EPHA5: variants seen among roughly 807,000 people sequenced by gnomAD.
The protein encoded by EPHA5 is ephrin type-A receptor 5.
A neutral mutation model predicts 105.0 loss-of-function variants in EPHA5; 60 were observed. The observed-to-expected ratio is 0.57, with a 90% CI of 0.46 to 0.71. The LOEUF (loss-of-function observed/expected upper bound fraction) is 0.71, where lower values mean the gene tolerates loss of function less well. Among genes scored for constraint, EPHA5 ranks in the 30% least tolerant of loss-of-function variants. The pLI is 0.00. For missense variants in EPHA5, 1,218 were observed against 1,274.7 expected (o/e 0.96, Z 0.68); for synonymous variants, 513 against 449.1 (o/e 1.14, Z -1.80).
At position 65,462,456 on chromosome 4, in the gene EPHA5, G is replaced by T. The variant is rs115308952; in HGVS notation, c.1402+27921C>A. On this transcript the variant is annotated intron_variant, in intron 5 of 16. Coordinates refer to ENST00000613740, the MANE Select transcript of EPHA5 (RefSeq NM_001281766.3). ...TCACAATTCTAAACATTGATGGGGG[G>T]GTCTTCTCCTGGTCTTGACTAGATT... 3.1e-3 allele frequency among the ~76,000 whole-genome samples: 477 copies of T among 152,130 alleles called. 6 individuals carry two copies. Among genetic ancestry groups the T allele is most frequent in the African/African-American group, 0.011 (450 of 41,516 alleles).
intron 3 of EPHA5, among the ~76,000 whole-genome samples, chr4:65,584,354 G>A (rs1055233502): frequency 1.1e-4 from 17 of 151,876 alleles, no homozygotes; most frequent in African/African-American, 3.9e-4. Flanking sequence ...AATTCAAATA[G>A]TAATTTAAAT....
At chr4:65,469,757 A>AT (rs1729104977) in intron 5 of EPHA5, among the ~76,000 whole-genome samples, 1 of 152,314 alleles carries the variant, frequency 6.6e-6, no homozygotes, top group South Asian at 2.1e-4. Flanking sequence ...GTTGTAATAC[A>AT]TTTTTTGCTA....
At position 65,509,282 on chromosome 4, in the gene EPHA5, C is replaced by T. The variant is rs577977075; in HGVS notation, c.911-13739G>A. On this transcript the variant is annotated intron_variant, in intron 3 of 16. Transcript: ENST00000613740. ...TAAAAGTTTCAACCAGGTAAACTCTCAAATATATTTCATAGTATTATATAT... is the reference window on the plus strand; with the variant it reads ...TAAAAGTTTCAACCAGGTAAACTCTTAAATATATTTCATAGTATTATATAT... Among the ~76,000 whole-genome samples, 9 of 152,234 alleles carry T rather than the reference C, an allele frequency of 5.9e-5. No homozygotes were observed. The South Asian group carries it at 1.9e-3, about 32-fold the overall frequency.
At chr4:65,418,555 G>T (rs1243176602) in intron 6 of EPHA5, among the ~76,000 whole-genome samples, 5 of 152,070 alleles carry the variant, frequency 3.3e-5, no homozygotes, top group African/African-American at 7.2e-5. Flanking sequence ...TTTGAAGTAT[G>T]TGTCATCATT....
chr4:65,485,355 A>G (rs1473121969), intron 5 of EPHA5, among the ~76,000 whole-genome samples: 1 of 151,474 alleles, frequency 6.6e-6, no homozygotes, highest in Non-Finnish European at 1.5e-5. Flanking sequence ...ACATTTGCTT[A>G]TTTTTCTTGA....
intron 1 of EPHA5, among the ~76,000 whole-genome samples, chr4:65,646,690 A>G (rs917792745): frequency 6.6e-6 from 1 of 152,148 alleles, no homozygotes; most frequent in African/African-American, 2.4e-5. Flanking sequence ...TGATCTGTTC[A>G]TCTATCAATG....
chr4:65,585,395 T>C (rs951460575), intron 3 of EPHA5, among the ~76,000 whole-genome samples: 1 of 151,678 alleles, frequency 6.6e-6, no homozygotes, highest in African/African-American at 2.4e-5. Context: ...GTTTTAAATC[T>C]TACCTAGGAG....
chr4:65,491,344 G>T (rs1187428480), intron 4 of EPHA5, among the ~76,000 whole-genome samples: 1 of 151,910 alleles, frequency 6.6e-6, no homozygotes. Context: ...CTTTGATATT[G>T]TTTTTATATT....
chr4:65,617,368 T>C (rs1425801617), intron 2 of EPHA5, among the ~76,000 whole-genome samples: 1 of 152,066 alleles, frequency 6.6e-6, no homozygotes, highest in African/African-American at 2.4e-5. Context: ...CCATCACCAG[T>C]ATTATGTCTA....
At chr4:65,616,454 C>CACACAGAG (rs1454115764) in intron 2 of EPHA5, among the ~76,000 whole-genome samples, 2,797 of 147,862 alleles carry the variant, frequency 0.019, 101 homozygotes, top group African/African-American at 0.066. Flanking sequence ...CACACACACA[C>CACACAGAG]AGAGAGAGAG....
chr4:65,335,425 T>C (rs979951203), intron 15 of EPHA5, among the ~76,000 whole-genome samples: 11 of 152,060 alleles, frequency 7.2e-5, no homozygotes, highest in Admixed American at 7.2e-4. Context: ...AACTACATGC[T>C]AAATAACCAA....
At chr4:65,345,390 G>T (rs1435894372) in intron 14 of EPHA5, among the ~76,000 whole-genome samples, 1 of 152,222 alleles carries the variant, frequency 6.6e-6, no homozygotes, top group Non-Finnish European at 1.5e-5. Flanking sequence ...GAAATCATTC[G>T]TGGGAAAGCT....
At chr4:65,508,635 T>C (rs1475598753) in intron 3 of EPHA5, among the ~76,000 whole-genome samples, 2 of 152,122 alleles carry the variant, frequency 1.3e-5, no homozygotes, top group African/African-American at 4.8e-5. Context: ...TTACATTCTT[T>C]CCTTTAAAAT....
chr4:65,390,381 C>T (rs1472685930), intron 8 of EPHA5, among the ~76,000 whole-genome samples: 4 of 152,020 alleles, frequency 2.6e-5, no homozygotes, highest in African/African-American at 9.7e-5. Context: ...GAAACACCAA[C>T]AAAGGCTCAC....
At chr4:65,519,450 T>C (rs535649047) in intron 3 of EPHA5, among the ~76,000 whole-genome samples, 407 of 152,130 alleles carry the variant, frequency 2.7e-3, no homozygotes, top group African/African-American at 9.0e-3. Flanking sequence ...GGGAAGCATT[T>C]CCTTTGAAAA....
chr4:65,457,977 G>A (rs1727760296), intron 5 of EPHA5, among the ~76,000 whole-genome samples: 1 of 150,640 alleles, frequency 6.6e-6, no homozygotes, highest in African/African-American at 2.4e-5. Flanking sequence ...GGGAGGCTGA[G>A]GCAGGAGAAT....
intron 9 of EPHA5, among the ~76,000 whole-genome samples, chr4:65,366,529 T>C (rs1717927269): frequency 6.6e-6 from 1 of 151,944 alleles, no homozygotes; most frequent in African/African-American, 2.4e-5. Context: ...GAAAGTATTC[T>C]GCTTCTCACT....
intron 3 of EPHA5, among the ~76,000 whole-genome samples, chr4:65,517,806 GT>G (rs1734253410): frequency 6.6e-6 from 1 of 151,870 alleles, no homozygotes. Context: ...ATACAAAAAT[GT>G]AGCCCTTTCC....
chr4:65,488,175 A>T (rs894864898), intron 5 of EPHA5, among the ~76,000 whole-genome samples: 2 of 152,198 alleles, frequency 1.3e-5, no homozygotes, highest in Non-Finnish European at 2.9e-5. Flanking sequence ...TCAAGTTTCA[A>T]ATAATATACT....
Sources: allele counts gnomAD v4.1 joint callset (sites outside exome capture counted in the v4.1 genomes callset), GRCh38; gene constraint gnomAD v4.1.1; transcripts MANE v1.5; gene names NCBI Gene and HGNC (gene_info 2026-07-23, HGNC 2026-07-21).